WDR3: variants seen among roughly 807,000 people sequenced by gnomAD.
The protein encoded by WDR3 is WD repeat-containing protein 3.
In WDR3, 81 loss-of-function variants were observed where a neutral mutation model predicts 123.7. The observed-to-expected ratio is 0.65, with a 90% CI of 0.55 to 0.79. WDR3 has a LOEUF of 0.79. Among genes scored for constraint, WDR3 ranks in the 30% least tolerant of loss-of-function variants. The probability of loss-of-function intolerance (pLI) is 0.00; values close to 1 mark genes in which losing one functional copy is unlikely to be tolerated. For synonymous variants in WDR3, 390 were observed against 388.8 expected (o/e 1.00, Z -0.04); for missense variants, 1,027 against 1,123.2 (o/e 0.91, Z 1.22).
At chr1:117,954,756 G>GAAGAC in intron 23 of WDR3, 129 bp downstream of exon 23, 1 of 990,024 alleles carries the variant, frequency 1.0e-6, no homozygotes, top group Non-Finnish European at 1.5e-6. Context: ...AGTCTCTTTT[G>GAAGAC]AATCTTGGCA....
In WDR3 at chr1:117,951,931, C is replaced by T. The variant is rs147330818; in HGVS notation, c.1804-45C>T. ...TTCTGGTTAGCTTTTTATTCATATA[C>T]GGAATTCAAAAATCAAGGTAGTGTT... On this transcript the variant is annotated intron_variant, in intron 16 of 26. Transcript: ENST00000349139. 2,672 of 1,538,848 alleles carry T rather than the reference C, an allele frequency of 1.7e-3. 3 individuals are homozygous for T. Among genetic ancestry groups the T allele is most frequent in the Non-Finnish European group, 1.5e-3 (1,729 of 1,125,150 alleles).
rs1037056482 is a variant in WDR3 at position 117,965,551 on chromosome 1, T to C, written c.*6104T>C. The stretch of plus-strand genomic sequence containing the variant: ...GGCTTCTACCTCAGATTTTGCAGTT[T>C]CCTTCCCCCACCATGTCTTTCATTC... On this transcript the variant is annotated 3_prime_UTR_variant, in exon 27 of 27. Transcript: ENST00000349139. 1 of 152,280 alleles carries C rather than the reference T, an allele frequency of 6.6e-6. No individual in the cohort carries two copies. The highest frequency in any genetic ancestry group is 1.5e-5 in the Non-Finnish European group (1 of 68,084). 9.4% of individuals were successfully genotyped at this position (152,280 alleles called of 1,614,324 possible). A position where few individuals can be genotyped will look rare whatever the true frequency, so the allele number is the denominator to read the frequency against.
chr1:117,962,775 A>C lies in WDR3; in HGVS notation c.*3328A>C, dbSNP rs932039524. 1 of 152,268 alleles carries C rather than the reference A, an allele frequency of 6.6e-6. No homozygotes were observed. The highest frequency in any genetic ancestry group is 1.5e-5 in the Non-Finnish European group (1 of 68,056). The allele number at this position is 152,268 out of a possible 1,614,324, so 9.4% of individuals were successfully genotyped here. On this transcript the variant is annotated 3_prime_UTR_variant, in exon 27 of 27. Transcript: ENST00000349139. Reference sequence around the variant, plus strand: ...TCTAGCAAATCTCCAGCAGAGATCTAGGACAGTGCCCAGGAAAGCAATGGT... The same window carrying C: ...TCTAGCAAATCTCCAGCAGAGATCTCGGACAGTGCCCAGGAAAGCAATGGT...
At chr1:117,947,185 A>G (rs900651755) in intron 12 of WDR3, among the ~76,000 whole-genome samples, 1 of 152,178 alleles carries the variant, frequency 6.6e-6, no homozygotes, top group Admixed American at 6.5e-5. Flanking sequence ...CTCTTAGCAG[A>G]GAAACTAGCC....
intron 6 of WDR3, 28 bp downstream of exon 6, chr1:117,939,600 T>C: frequency 1.2e-6 from 2 of 1,604,970 alleles, no homozygotes; most frequent in South Asian, 2.2e-5. Flanking sequence ...TCATGGGCAA[T>C]ATGTTTAGAA....
At chr1:117,931,144 A>C (rs1178854536) in intron 1 of WDR3, among the ~76,000 whole-genome samples, 1 of 152,110 alleles carries the variant, frequency 6.6e-6, no homozygotes, top group African/African-American at 2.4e-5. Context: ...TGTGTTGCCT[A>C]TGTTGGTCTG....
chr1:117,954,158 C>T, intron 22 of WDR3, 59 bp downstream of exon 22: 1 of 1,448,846 alleles, frequency 6.9e-7, no homozygotes, highest in East Asian at 2.3e-5. Context: ...AGGAGAAAAA[C>T]CATTGTTTTG....
chr1:117,962,164 C>A lies in WDR3; in HGVS notation c.*2717C>A, dbSNP rs1653185182. The A allele has an allele frequency of 6.6e-6, 1 of 152,032 alleles. No individual in the cohort carries two copies. The highest frequency in any genetic ancestry group is 2.4e-5 in the African/African-American group (1 of 41,390). 9.4% of individuals were successfully genotyped at this position (152,032 alleles called of 1,614,324 possible). On this transcript the variant is annotated 3_prime_UTR_variant, in exon 27 of 27. Transcript: ENST00000349139. Reference sequence around the variant, plus strand: ...CTAGGGAATGTAAAGATGTTTCTGTCTGCTAAGTGTTATACTAATCGAAGA... The same window carrying A: ...CTAGGGAATGTAAAGATGTTTCTGTATGCTAAGTGTTATACTAATCGAAGA...
At chr1:117,932,137 C>G (rs1353739205) in intron 1 of WDR3, among the ~76,000 whole-genome samples, 1 of 152,188 alleles carries the variant, frequency 6.6e-6, no homozygotes, top group Non-Finnish European at 1.5e-5. Flanking sequence ...CTCCTTCATT[C>G]ACCTCTTGTC....
chr1:117,955,465 G>T, intron 24 of WDR3, 107 bp downstream of exon 24: 1 of 1,033,316 alleles, frequency 9.7e-7, no homozygotes, highest in Non-Finnish European at 1.4e-6. Context: ...TTATCTTATA[G>T]GTTTAACTAT....
intron 25 of WDR3, among the ~76,000 whole-genome samples, chr1:117,958,700 G>A (rs965296176): frequency 1.3e-5 from 2 of 151,176 alleles, no homozygotes; most frequent in African/African-American, 4.9e-5. Context: ...GTGTCATAAG[G>A]TTTAGGACAG....
intron 3 of WDR3, among the ~76,000 whole-genome samples, chr1:117,935,874 A>G (rs1268266050): frequency 6.6e-6 from 1 of 151,978 alleles, no homozygotes; most frequent in Admixed American, 6.5e-5. Context: ...AATATTTTCA[A>G]TATAAAAAGA....
At position 117,943,529 on chromosome 1, in the gene WDR3, A is replaced by T; in HGVS notation, c.1231A>T (p.Ile411Phe). 1 of 1,614,094 alleles carries T rather than the reference A, an allele frequency of 6.2e-7. No individual in the cohort carries two copies. The highest frequency in any genetic ancestry group is 1.3e-5 in the African/African-American group (1 of 74,998). The change falls in exon 11 of 27, where the codon ATT becomes TTT. Residue 411 changes from isoleucine to phenylalanine, a missense_variant. Coordinates refer to ENST00000349139, the MANE Select transcript of WDR3 (RefSeq NM_006784.3). ...PQPVRTSRIT[I>F]GGHRSDVRTL... ...GCCTGTCAGGACAAGCAGAATCACTATTGGGGGTCATCGCAGTGATGTGCG... is the reference window on the plus strand; with the variant it reads ...GCCTGTCAGGACAAGCAGAATCACTTTTGGGGGTCATCGCAGTGATGTGCG...
intron 18 of WDR3, 40 bp from the exon 19 acceptor site, chr1:117,952,488 C>A: frequency 1.3e-6 from 2 of 1,598,208 alleles, no homozygotes; most frequent in South Asian, 2.3e-5. Context: ...AAGTAGTGGT[C>A]AATGAATGAG....
Position 117,965,424 on chromosome 1 carries a change from C to T in WDR3, c.*5977C>T, listed in dbSNP as rs1653705380. ...GCTTAAAATTATTATATCTCCAATT[C>T]TGACTTCTCAGTTGAGATCTAATAT... On this transcript the variant is annotated 3_prime_UTR_variant, in exon 27 of 27. Coordinates refer to ENST00000349139, the MANE Select transcript of WDR3 (RefSeq NM_006784.3). 1 of 152,226 alleles carries T rather than the reference C, an allele frequency of 6.6e-6. No individual in the cohort carries two copies. Among genetic ancestry groups the T allele is most frequent in the Non-Finnish European group, 1.5e-5 (1 of 68,046 alleles). The allele number at this position is 152,226 out of a possible 1,614,324, so 9.4% of individuals were successfully genotyped here.
chr1:117,956,612 A>C (rs907283019), intron 24 of WDR3, among the ~76,000 whole-genome samples: 4 of 152,228 alleles, frequency 2.6e-5, no homozygotes, highest in African/African-American at 9.6e-5. Flanking sequence ...TTGATGAAAT[A>C]ATAATACTTG....
intron 6 of WDR3, among the ~76,000 whole-genome samples, chr1:117,939,954 C>T (rs1225678453): frequency 1.4e-4 from 21 of 152,150 alleles, no homozygotes; most frequent in Non-Finnish European, 5.9e-5. Context: ...TTTTCTTAGA[C>T]ATTCAAAGAA....
At chr1:117,940,390 T>C (rs1259549725) in intron 6 of WDR3, among the ~76,000 whole-genome samples, 4 of 152,146 alleles carry the variant, frequency 2.6e-5, no homozygotes, top group Admixed American at 6.5e-5. Context: ...TAGAAGCTGT[T>C]ATTGGCCATA....
chr1:117,963,204 T>C lies in WDR3; in HGVS notation c.*3757T>C, dbSNP rs2101393811. 1 of 152,136 alleles carries C rather than the reference T, an allele frequency of 6.6e-6. No homozygotes were observed. The highest frequency in any genetic ancestry group is 1.9e-4 in the East Asian group (1 of 5,176). The allele number at this position is 152,136 out of a possible 1,614,324, so 9.4% of individuals were successfully genotyped here. A position where few individuals can be genotyped will look rare whatever the true frequency, so the allele number is the denominator to read the frequency against. On this transcript the variant is annotated 3_prime_UTR_variant, in exon 27 of 27. Transcript: ENST00000349139. ...GTATCCCTTCCCCTTGAGTATGGGG[T>C]CGGACCTAGTGACTGGCTTCTAGTG...
Sources: allele counts gnomAD v4.1 joint callset (sites outside exome capture counted in the v4.1 genomes callset), GRCh38; gene constraint gnomAD v4.1.1; transcripts MANE v1.5; gene names NCBI Gene and HGNC (gene_info 2026-07-23, HGNC 2026-07-21).